FAF2: variants seen among roughly 807,000 people sequenced by gnomAD.
The protein encoded by FAF2 is FAS-associated factor 2.
FAF2 carries 9 observed loss-of-function variants against 62.3 expected under a neutral mutation model. That is an observed-to-expected ratio of 0.14 (90% CI 0.09 to 0.25). The LOEUF (loss-of-function observed/expected upper bound fraction) is 0.25, where lower values mean the gene tolerates loss of function less well. Among genes scored for constraint, FAF2 ranks in the 10% least tolerant of loss-of-function variants. The pLI, the probability that FAF2 is intolerant of heterozygous loss-of-function variation, is 1.00. For missense variants in FAF2, 368 were observed against 556.2 expected (o/e 0.66, Z 3.40); for synonymous variants, 202 against 198.0 (o/e 1.02, Z -0.17).
chr5:176,506,671 G>A (rs1755689404), intron 10 of FAF2, 97 bp from the exon 11 acceptor site: 1 of 953,314 alleles, frequency 1.0e-6, no homozygotes, highest in Admixed American at 2.1e-5. Flanking sequence ...GAGAGTTGGG[G>A]TATATTTGAC....
chr5:176,495,664 AC>A (rs1014774078), intron 7 of FAF2, among the ~76,000 whole-genome samples: 2 of 151,932 alleles, frequency 1.3e-5, no homozygotes, highest in African/African-American at 4.8e-5. Flanking sequence ...GGCGCGTACC[AC>A]CACACCCTGC....
In FAF2 at chr5:176,448,474, G is replaced by A. The variant is rs1188488646; in HGVS notation, c.63+4G>A. On this transcript the variant is annotated splice_donor_region_variant and intron_variant, in intron 1 of 10. Coordinates refer to ENST00000261942, the MANE Select transcript of FAF2 (RefSeq NM_014613.3). ...AGAGAAGCTGCTGCAGTTTCAGGTA[G>A]CAGCGAGTACTCGGTGCAGCAGATG... 1 of 1,594,278 alleles carries A rather than the reference G, an allele frequency of 6.3e-7. No homozygotes were observed.
At chr5:176,505,643 T>C (rs886432307) in intron 10 of FAF2, among the ~76,000 whole-genome samples, 1 of 152,172 alleles carries the variant, frequency 6.6e-6, no homozygotes, top group African/African-American at 2.4e-5. Flanking sequence ...GTCCCCAAAG[T>C]CCATTGTATC....
intron 1 of FAF2, among the ~76,000 whole-genome samples, chr5:176,448,683 C>T (rs1254158019): frequency 6.6e-6 from 1 of 152,058 alleles, no homozygotes; most frequent in African/African-American, 2.4e-5. Flanking sequence ...AGACCCGCCT[C>T]GTCTGTGCCT....
chr5:176,466,461 G>A (rs1016403424), intron 1 of FAF2, among the ~76,000 whole-genome samples: 7 of 152,086 alleles, frequency 4.6e-5, no homozygotes, highest in African/African-American at 1.4e-4. Flanking sequence ...CACCAACCCC[G>A]TGCAGCGTTT....
chr5:176,500,128 C>T lies in FAF2; in HGVS notation c.1137C>T (p.His379=). Residue 379 remains histidine (H), a synonymous_variant, in exon 10 of 11, where the codon CAC becomes CAT. Transcript: ENST00000261942. ...ATTCTCGAGTAGAGAGACGATTCCA[C>T]TTTTCACAGTCTCTAACAGTAAGGA... ...PNDSRVERRF[H]FSQSLTVIHD... 1.2e-6 allele frequency: 2 copies of T among 1,614,140 alleles called. No individual in the cohort carries two copies. The highest frequency in any genetic ancestry group is 1.7e-6 in the Non-Finnish European group (2 of 1,179,988).
intron 1 of FAF2, among the ~76,000 whole-genome samples, chr5:176,469,017 G>A (rs1238674111): frequency 6.6e-6 from 1 of 152,136 alleles, no homozygotes; most frequent in African/African-American, 2.4e-5. Flanking sequence ...TGCCAAGGTG[G>A]ATGCATCACC....
At chr5:176,484,905 A>AG (rs1417744260) in intron 2 of FAF2, among the ~76,000 whole-genome samples, 1 of 152,006 alleles carries the variant, frequency 6.6e-6, no homozygotes, top group East Asian at 1.9e-4. Context: ...AAAAAAAAAA[A>AG]AAAAGGTTAA....
At chr5:176,488,394 A>T (rs1449531705) in intron 3 of FAF2, among the ~76,000 whole-genome samples, 1 of 152,206 alleles carries the variant, frequency 6.6e-6, no homozygotes, top group Non-Finnish European at 1.5e-5. Flanking sequence ...GCTGCCAAAA[A>T]TAAGTATTAA....
chr5:176,492,666 G>A (rs1758993615), intron 5 of FAF2, among the ~76,000 whole-genome samples: 2 of 151,942 alleles, frequency 1.3e-5, no homozygotes, highest in African/African-American at 4.8e-5. Context: ...TCACATTTTT[G>A]CTAATTGGAA....
At chr5:176,449,523 C>T (rs1164590553) in intron 1 of FAF2, among the ~76,000 whole-genome samples, 1 of 151,724 alleles carries the variant, frequency 6.6e-6, no homozygotes, top group African/African-American at 2.4e-5. Context: ...TGCAGTGAGC[C>T]GAGATCGTGC....
intron 3 of FAF2, among the ~76,000 whole-genome samples, chr5:176,487,700 G>A (rs894964717): frequency 6.6e-6 from 1 of 152,062 alleles, no homozygotes; most frequent in Non-Finnish European, 1.5e-5. Context: ...ATAATAATTA[G>A]CATTATTACT....
rs544449696 is a variant in FAF2, at chr5:176,465,370, T to C, written c.64-13818T>C. Among the ~76,000 whole-genome samples, 252 of 146,330 alleles carry C rather than the reference T, an allele frequency of 1.7e-3. 1 individual carries two copies. The highest frequency in any genetic ancestry group is 6.4e-3 in the African/African-American group (248 of 38,628). ...ACTGAAATTTTCTTTTTCTTTCTTT[T>C]TTTTTTTTTTTTTTGAGTTGGAGTT... On this transcript the variant is annotated intron_variant, in intron 1 of 10. Coordinates refer to ENST00000261942, the MANE Select transcript of FAF2 (RefSeq NM_014613.3).
intron 1 of FAF2, among the ~76,000 whole-genome samples, chr5:176,453,948 C>G (rs1244380245): frequency 6.6e-6 from 1 of 150,978 alleles, no homozygotes; most frequent in African/African-American, 2.4e-5. Context: ...CCCAGCTACT[C>G]GGAAGGCTAA....
At position 176,464,846 on chromosome 5, in the gene FAF2, T is replaced by C. The variant is rs2113722272; in HGVS notation, c.64-14342T>C. 2.0e-5 allele frequency among the ~76,000 whole-genome samples: 3 copies of C among 152,264 alleles called. No homozygotes were observed. In the Middle Eastern group the frequency reaches 0.01, roughly 518 times the overall value. ...TTTCAAAGCCTTTACAAGATTATAT[T>C]GCAGATTTCTAAAAGGGGTATTTGA... On this transcript the variant is annotated intron_variant, in intron 1 of 10. Coordinates refer to ENST00000261942, the MANE Select transcript of FAF2 (RefSeq NM_014613.3).
At chr5:176,468,409 C>A (rs1266569862) in intron 1 of FAF2, among the ~76,000 whole-genome samples, 3 of 151,886 alleles carry the variant, frequency 2.0e-5, no homozygotes, top group Non-Finnish European at 4.4e-5. Context: ...ACGGTGAAAC[C>A]CCGTCTCTAC....
intron 4 of FAF2, among the ~76,000 whole-genome samples, chr5:176,491,184 C>T (rs1326669161): frequency 6.6e-6 from 1 of 152,180 alleles, no homozygotes; most frequent in Non-Finnish European, 1.5e-5. Flanking sequence ...ATATGCACGG[C>T]ATGTATTACT....
Position 176,466,460 on chromosome 5 carries a change from C to T in FAF2, c.64-12728C>T, listed in dbSNP as rs139346259. On this transcript the variant is annotated intron_variant, in intron 1 of 10. Transcript: ENST00000261942. ...CTCAGCTGAGATTTCACACCAACCC[C>T]GTGCAGCGTTTGTTAGTATAAACAG... Among the ~76,000 whole-genome samples the T allele has an allele frequency of 2.2e-3, 334 of 152,256 alleles. 3 individuals carry two copies. The highest frequency in any genetic ancestry group is 7.7e-3 in the African/African-American group (318 of 41,550).
intron 10 of FAF2, among the ~76,000 whole-genome samples, chr5:176,505,950 G>A (rs1755675615): frequency 1.3e-5 from 2 of 152,026 alleles, no homozygotes; most frequent in Admixed American, 1.3e-4. Context: ...CAGCACTTTG[G>A]GAGGCCGAGA....
Sources: gnomAD v4.1 joint callset for allele counts (sites outside exome capture counted in the v4.1 genomes callset) on GRCh38, gnomAD v4.1.1 for gene constraint, MANE v1.5 for transcripts, NCBI Gene and HGNC (gene_info 2026-07-23, HGNC 2026-07-21) for gene names.